PCDH15: variants seen among roughly 807,000 people sequenced by gnomAD.
PCDH15 encodes protocadherin related 15.
Under a neutral mutation model 178.5 loss-of-function variants are expected in PCDH15, and 129 were observed. The ratio of observed to expected loss-of-function variants is 0.72; its 90% CI spans 0.63 to 0.84. PCDH15 has a LOEUF of 0.84. PCDH15 is among the 40% of genes least tolerant of loss of function. The pLI, the probability that PCDH15 is intolerant of heterozygous loss-of-function variation, is 0.00. For synonymous variants in PCDH15, 800 were observed against 732.0 expected (o/e 1.09, Z -1.50); for missense variants, 2,230 against 2,099.9 (o/e 1.06, Z -1.21).
At chr10:54,952,581 T>C (rs1484519477) in intron 2 of PCDH15, among the ~76,000 whole-genome samples, 1 of 151,758 alleles carries the variant, frequency 6.6e-6, no homozygotes, top group African/African-American at 2.4e-5. Flanking sequence ...TCTATAAAGT[T>C]GGGAAGAAAT....
chr10:53,825,285 T>G, intron 32 of PCDH15: 1 of 960,396 alleles, frequency 1.0e-6, no homozygotes, highest in Non-Finnish European at 1.4e-6. Context: ...AAAAGGCATG[T>G]TTTTATATTT....
intron 3 of PCDH15, among the ~76,000 whole-genome samples, chr10:54,504,324 G>A (rs74136203): frequency 1.5e-4 from 23 of 152,058 alleles, no homozygotes; most frequent in African/African-American, 5.5e-4. Flanking sequence ...TGGTCTTTTT[G>A]TCTTGGAAAA....
intron 13 of PCDH15, among the ~76,000 whole-genome samples, chr10:54,168,280 AG>A (rs896237365): frequency 2.8e-4 from 42 of 152,232 alleles, no homozygotes; most frequent in African/African-American, 9.4e-4. Flanking sequence ...TTTACACATC[AG>A]TCCCTTCCTA....
At chr10:55,024,080 T>TATATATATAGGAAGGAATATAC (rs1840410485) in intron 2 of PCDH15, among the ~76,000 whole-genome samples, 1 of 27,832 alleles carries the variant, frequency 3.6e-5, no homozygotes, top group African/African-American at 1.0e-4. Context: ...CACTCATATA[T>TATATATATAGGAAGGAATATAC]ATATATATAT....
intron 2 of PCDH15, among the ~76,000 whole-genome samples, chr10:55,564,712 T>TATTAA (rs1403281768): frequency 1.3e-5 from 2 of 151,626 alleles, no homozygotes; most frequent in Non-Finnish European, 3.0e-5. Flanking sequence ...GGGGTGGTTA[T>TATTAA]ATTAATACCA....
At chr10:54,657,862 G>C (rs2094434794) in intron 2 of PCDH15, among the ~76,000 whole-genome samples, 1 of 152,074 alleles carries the variant, frequency 6.6e-6, no homozygotes, top group Non-Finnish European at 1.5e-5. Context: ...TAACCAAAAT[G>C]AAAATCCTGA....
At chr10:53,909,297 G>A (rs2082900342) in intron 25 of PCDH15, among the ~76,000 whole-genome samples, 1 of 152,094 alleles carries the variant, frequency 6.6e-6, no homozygotes, top group Non-Finnish European at 1.5e-5. Context: ...ATGTGGAACT[G>A]TGAGTCAATT....
upstream of PCDH15, chr10:55,319,639 T>A (rs1243001469): frequency 1.3e-5 from 2 of 152,268 alleles, no homozygotes; most frequent in East Asian, 3.9e-4. Context: ...CAGGACTTGT[T>A]CCTGGCTCCC....
At chr10:53,822,912 T>C (rs1438953177) in intron 32 of PCDH15, 1 of 1,614,188 alleles carries the variant, frequency 6.2e-7, no homozygotes, top group Non-Finnish European at 8.5e-7. Context: ...TTCAGCTTTC[T>C]GCCTGGTGCC....
chr10:55,414,733 G>A (rs536107506), intron 2 of PCDH15, among the ~76,000 whole-genome samples: 18 of 150,402 alleles, frequency 1.2e-4, no homozygotes, highest in Non-Finnish European at 2.5e-4. Flanking sequence ...TTTGTGTCCT[G>A]TAACTTTACT....
intron 2 of PCDH15, among the ~76,000 whole-genome samples, chr10:55,115,173 T>G (rs1206329208): frequency 6.6e-6 from 1 of 152,212 alleles, no homozygotes; most frequent in East Asian, 1.9e-4. Flanking sequence ...AAACACAAAT[T>G]TATTATGAAA....
chr10:55,388,270 T>C (rs1394736828), intron 2 of PCDH15, among the ~76,000 whole-genome samples: 1 of 152,132 alleles, frequency 6.6e-6, no homozygotes, highest in Non-Finnish European at 1.5e-5. Context: ...TAACCAGGAT[T>C]GCCTACTGGA....
At chr10:53,970,801 C>A (rs1320059844) in intron 21 of PCDH15, among the ~76,000 whole-genome samples, 1 of 152,030 alleles carries the variant, frequency 6.6e-6, no homozygotes, top group African/African-American at 2.4e-5. Flanking sequence ...TAATTAATAG[C>A]CTACCAACCA....
intron 2 of PCDH15, among the ~76,000 whole-genome samples, chr10:54,614,004 G>A (rs532598200): frequency 2.0e-5 from 3 of 151,892 alleles, no homozygotes; most frequent in African/African-American, 7.2e-5. Flanking sequence ...AAAGATAACT[G>A]TTTCTTAATA....
chr10:54,550,559 T>G (rs113245777), intron 2 of PCDH15, among the ~76,000 whole-genome samples: 2 of 152,050 alleles, frequency 1.3e-5, no homozygotes, highest in South Asian at 2.1e-4. Flanking sequence ...TTTTTTCTGG[T>G]TAACTGAGAC....
chr10:54,273,985 G>T (rs2058198114), intron 8 of PCDH15, among the ~76,000 whole-genome samples: 1 of 152,050 alleles, frequency 6.6e-6, no homozygotes, highest in African/African-American at 2.4e-5. Flanking sequence ...GTTCTTTGCA[G>T]GGATGTGGAT....
chr10:54,373,687 T>C (rs976216853), intron 4 of PCDH15, among the ~76,000 whole-genome samples: 3 of 151,986 alleles, frequency 2.0e-5, no homozygotes, highest in Non-Finnish European at 2.9e-5. Context: ...TGGATACTAA[T>C]AGCAACTTTT....
intron 13 of PCDH15, among the ~76,000 whole-genome samples, chr10:54,169,931 C>G (rs1240867352): frequency 6.6e-6 from 1 of 150,824 alleles, no homozygotes; most frequent in East Asian, 1.9e-4. Context: ...CTATCCACCC[C>G]GTGCTGCCAA....
intron 3 of PCDH15, among the ~76,000 whole-genome samples, chr10:54,868,469 T>C (rs530291916): frequency 1.3e-5 from 2 of 152,204 alleles, no homozygotes; most frequent in East Asian, 3.9e-4. Flanking sequence ...ACAGCTATCC[T>C]CTCCTACAGA....
Sources: allele counts gnomAD v4.1 joint callset (sites outside exome capture counted in the v4.1 genomes callset), GRCh38; gene constraint gnomAD v4.1.1; transcripts MANE v1.5; gene names NCBI Gene and HGNC (gene_info 2026-07-23, HGNC 2026-07-21).